WDR20: variants seen among roughly 807,000 people sequenced by gnomAD.
WDR20 encodes the protein WD repeat domain 20.
Under a neutral mutation model 38.7 loss-of-function variants are expected in WDR20, and 3 were observed. That is an observed-to-expected ratio of 0.08 (90% CI 0.04 to 0.20). WDR20 has a LOEUF of 0.20. Ranked by LOEUF, WDR20 falls within the 10% of genes least tolerant of loss-of-function variation. The probability of loss-of-function intolerance (pLI) is 1.00; values close to 1 mark genes in which losing one functional copy is unlikely to be tolerated. For synonymous variants in WDR20, 298 were observed against 285.6 expected (o/e 1.04, Z -0.44); for missense variants, 559 against 727.7 (o/e 0.77, Z 2.67).
chr14:102,165,120 G>T (rs2059500396), intron 1 of WDR20, among the ~76,000 whole-genome samples: 1 of 152,206 alleles, frequency 6.6e-6, no homozygotes, highest in South Asian at 2.1e-4. Context: ...TTCCAGTCGT[G>T]GGTGTGGTCA....
chr14:102,140,281 T>A, intron 1 of WDR20, 109 bp downstream of exon 1: 2 of 1,504,770 alleles, frequency 1.3e-6, no homozygotes, highest in Non-Finnish European at 1.8e-6. Flanking sequence ...TCGCTCTTAC[T>A]TTTGAGTGGG....
intron 1 of WDR20, among the ~76,000 whole-genome samples, chr14:102,192,242 C>T (rs568956837): frequency 4.0e-4 from 61 of 151,510 alleles, no homozygotes; most frequent in Middle Eastern, 6.8e-3. Flanking sequence ...TGCAGTGGCA[C>T]GATCTCGGCT....
chr14:102,219,082 G>A (rs2063577504), downstream of WDR20, among the ~76,000 whole-genome samples: 1 of 152,232 alleles, frequency 6.6e-6, no homozygotes, highest in African/African-American at 2.4e-5. Flanking sequence ...TTTGGGCAGT[G>A]GATCCCCCAC....
intron 1 of WDR20, among the ~76,000 whole-genome samples, chr14:102,169,017 G>T (rs1422413213): frequency 6.6e-6 from 1 of 152,174 alleles, no homozygotes; most frequent in Non-Finnish European, 1.5e-5. Flanking sequence ...CTTAGAATAA[G>T]ATCTGAATTG....
intron 1 of WDR20, among the ~76,000 whole-genome samples, chr14:102,153,602 G>A (rs978171804): frequency 9.2e-5 from 14 of 152,012 alleles, no homozygotes; most frequent in Non-Finnish European, 1.2e-4. Context: ...CACCGCGCCC[G>A]GCCACCTCTT....
chr14:102,142,797 T>TG, intron 1 of WDR20, among the ~76,000 whole-genome samples: 1 of 149,758 alleles, frequency 6.7e-6, no homozygotes, highest in South Asian at 2.1e-4. Context: ...TTTTTTTTTT[T>TG]GGTCCTTTGA....
chr14:102,173,162 G>A (rs1596281936), intron 1 of WDR20, among the ~76,000 whole-genome samples: 2 of 151,354 alleles, frequency 1.3e-5, no homozygotes, highest in Admixed American at 6.6e-5. Flanking sequence ...GCGCAGGCTG[G>A]AGTGCAGTGG....
intron 1 of WDR20, among the ~76,000 whole-genome samples, chr14:102,170,890 A>G (rs1032214672): frequency 1.3e-5 from 2 of 152,064 alleles, no homozygotes; most frequent in African/African-American, 4.8e-5. Flanking sequence ...GTTTTTTCCT[A>G]CATAGAAATT....
chr14:102,220,005 G>A (rs184676962), downstream of WDR20, among the ~76,000 whole-genome samples: 19 of 152,380 alleles, frequency 1.2e-4, no homozygotes, highest in Admixed American at 1.2e-3. This position sits in a 1 kb window ranked among gnomAD's most constrained non-coding sequence, Gnocchi z 4.2. Context: ...ACTGGAGAAT[G>A]AGTGTGCATT....
downstream of WDR20, among the ~76,000 whole-genome samples, chr14:102,216,266 C>T (rs982458895): frequency 6.6e-6 from 1 of 152,230 alleles, no homozygotes. Flanking sequence ...GGGCCTACGA[C>T]TGCCACAAGA....
At chr14:102,139,581 G>A, upstream of WDR20, 2 of 719,206 alleles carry the variant, frequency 2.8e-6, no homozygotes, top group Non-Finnish European at 4.5e-6. Flanking sequence ...GGTTCCCCCT[G>A]ACCGGCTTTC....
downstream of WDR20, chr14:102,210,529 C>G: frequency 1.0e-6 from 1 of 985,266 alleles, no homozygotes; most frequent in Non-Finnish European, 1.2e-6. Flanking sequence ...TTCAAAGAAG[C>G]AGTTTGTAGC....
In WDR20 at chr14:102,193,361, T is replaced by C. The variant is rs114057401; in HGVS notation, c.250-1577T>C. On this transcript the variant is annotated intron_variant, in intron 1 of 2. Transcript: ENST00000342702. ...GGCCGCTCCCCTCCACTGGCCGCTT[T>C]TCTCCTCGCTCCAGTCAGGACTCCC... is the stretch of plus-strand genomic sequence containing the variant. The C allele has an allele frequency of 1.0e-3, 1,318 of 1,278,988 alleles. 10 individuals are homozygous for C. The African/African-American group carries it at 0.016, about 16-fold the overall frequency. The allele number at this position is 1,278,988 out of a possible 1,614,324, so 79.2% of individuals were successfully genotyped here. A position where few individuals can be genotyped will look rare whatever the true frequency, so the allele number is the denominator to read the frequency against.
chr14:102,223,676 G>T (rs942576847), downstream of WDR20: 1 of 152,350 alleles, frequency 6.6e-6, no homozygotes, highest in Non-Finnish European at 1.5e-5. Flanking sequence ...TGAATATACC[G>T]CTTGTTTATC....
At position 102,198,928 on chromosome 14, in the gene WDR20, A is replaced by G. The variant is rs575639397; in HGVS notation, c.432+3808A>G. On this transcript the variant is annotated intron_variant, in intron 2 of 2. Coordinates refer to ENST00000342702, the MANE Select transcript of WDR20 (RefSeq NM_144574.4). ...GAGAGACCTGTAGATAGTGGGATGT[A>G]TGGATCTGGAGCACAAAACTAGGGG... 2.0e-5 allele frequency among the ~76,000 whole-genome samples: 3 copies of G among 152,258 alleles called. No homozygotes were observed. In the East Asian group the frequency reaches 5.8e-4, roughly 29 times the overall value.
chr14:102,214,574 TA>T, downstream of WDR20: 3 of 985,436 alleles, frequency 3.0e-6, no homozygotes, highest in Non-Finnish European at 3.6e-6. Context: ...TTTGAAAGTG[TA>T]AAAAATTTCC....
chr14:102,184,546 TC>T (rs1239213066), intron 1 of WDR20, among the ~76,000 whole-genome samples: 2 of 151,936 alleles, frequency 1.3e-5, no homozygotes, highest in Non-Finnish European at 2.9e-5. Flanking sequence ...GTTCCTGCTT[TC>T]CCCTGGTGGC....
At chr14:102,150,214 G>A (rs369337085) in intron 1 of WDR20, among the ~76,000 whole-genome samples, 3 of 152,068 alleles carry the variant, frequency 2.0e-5, no homozygotes, top group South Asian at 2.1e-4. Flanking sequence ...ATTACATCAC[G>A]CCTGTAATCC....
At chr14:102,218,882 C>A (rs1031699629), downstream of WDR20, among the ~76,000 whole-genome samples, 3 of 152,242 alleles carry the variant, frequency 2.0e-5, no homozygotes, top group Admixed American at 1.3e-4. Context: ...AGCTCCCGCA[C>A]GCTGCTGAGC....
Sources: gnomAD v4.1 joint callset for allele counts (sites outside exome capture counted in the v4.1 genomes callset) on GRCh38, gnomAD v4.1.1 for gene constraint, Gnocchi (gnomAD v3.1) non-coding constraint, MANE v1.5 for transcripts, NCBI Gene and HGNC (gene_info 2026-07-23, HGNC 2026-07-21) for gene names.